The following LRMDA variants were observed in gnomAD, a reference collection of about 807,000 sequenced individuals.
LRMDA encodes the protein leucine-rich melanocyte differentiation-associated protein.
A neutral mutation model predicts 29.8 loss-of-function variants in LRMDA; 18 were observed. That is an observed-to-expected ratio of 0.60 (90% CI 0.42 to 0.90). The LOEUF is 0.90. Ranked by LOEUF, LRMDA falls within the 40% of genes least tolerant of loss-of-function variation. LRMDA has a pLI of 0.00. For missense variants in LRMDA, 273 were observed against 273.9 expected (o/e 1.00, Z 0.02); for synonymous variants, 125 against 109.4 (o/e 1.14, Z -0.89).
At chr10:75,634,955 C>G (rs1188932672) in intron 2 of LRMDA, among the ~76,000 whole-genome samples, 1 of 151,992 alleles carries the variant, frequency 6.6e-6, no homozygotes, top group Non-Finnish European at 1.5e-5. Flanking sequence ...TGAAAACAAC[C>G]ATATTCCCAA....
At chr10:75,513,300 TCA>T (rs573965254) in intron 2 of LRMDA, among the ~76,000 whole-genome samples, 118 of 152,336 alleles carry the variant, frequency 7.7e-4, no homozygotes, top group African/African-American at 2.7e-3. Context: ...TGTCTTCCTA[TCA>T]CGCTTTCTTG....
Position 75,776,612 on chromosome 10 carries a change from C to A in LRMDA, c.132-259396C>A, listed in dbSNP as rs373705583. On this transcript the variant is annotated intron_variant, in intron 2 of 6. Transcript: ENST00000611255. ...TTGTATCAGTTACCAGAGATTGGTT[C>A]CCCTAAGTAAATCAATTGGACACTA... Among the ~76,000 whole-genome samples the A allele has an allele frequency of 3.8e-4, 58 of 152,270 alleles. No individual in the cohort carries two copies. The East Asian group carries it at 9.3e-3, about 24-fold the overall frequency.
chr10:75,589,946 C>T (rs979352767), intron 2 of LRMDA, among the ~76,000 whole-genome samples: 1 of 150,558 alleles, frequency 6.6e-6, no homozygotes, highest in African/African-American at 2.4e-5. Flanking sequence ...TTTGGTTATT[C>T]ATTTTTAGTG....
At chr10:76,142,429 T>A (rs979075862) in intron 5 of LRMDA, among the ~76,000 whole-genome samples, 2 of 152,120 alleles carry the variant, frequency 1.3e-5, no homozygotes, top group Non-Finnish European at 2.9e-5. Flanking sequence ...TTAAAATATT[T>A]AACTACAAAT....
chr10:75,646,242 A>T (rs1009686094), intron 2 of LRMDA, among the ~76,000 whole-genome samples: 1 of 152,190 alleles, frequency 6.6e-6, no homozygotes. Context: ...GATGACTATC[A>T]TCATTTAAAG....
intron 2 of LRMDA, among the ~76,000 whole-genome samples, chr10:75,505,123 T>G (rs1327238968): frequency 6.6e-6 from 1 of 152,106 alleles, no homozygotes; most frequent in African/African-American, 2.4e-5. Context: ...AAGGGTTGTT[T>G]TAGTTATGAC....
chr10:76,543,963 G>T (rs574579430), intron 6 of LRMDA, among the ~76,000 whole-genome samples: 2 of 152,116 alleles, frequency 1.3e-5, no homozygotes, highest in Admixed American at 1.3e-4. Flanking sequence ...CCCTGTAGAC[G>T]GAATTCTCTG....
At chr10:75,960,509 G>C (rs1036050935) in intron 2 of LRMDA, among the ~76,000 whole-genome samples, 12 of 152,246 alleles carry the variant, frequency 7.9e-5, no homozygotes, top group Non-Finnish European at 1.5e-4. Context: ...AGAAAAGGGA[G>C]AAAACTTTAT....
chr10:76,194,341 C>A (rs78797247), intron 5 of LRMDA, among the ~76,000 whole-genome samples: 1,865 of 152,332 alleles, frequency 0.012, 41 homozygotes, highest in African/African-American at 0.042. Flanking sequence ...CCTAACACTT[C>A]TTTCCTGACA....
chr10:75,709,155 A>G (rs1225045865), intron 2 of LRMDA, among the ~76,000 whole-genome samples: 2 of 152,222 alleles, frequency 1.3e-5, no homozygotes, highest in African/African-American at 4.8e-5. Flanking sequence ...TCTATGTTAA[A>G]TGTTTTCAAA....
intron 6 of LRMDA, among the ~76,000 whole-genome samples, chr10:76,355,026 A>G (rs1841222537): frequency 6.6e-6 from 1 of 152,070 alleles, no homozygotes; most frequent in Non-Finnish European, 1.5e-5. Context: ...TGTCCTTCAA[A>G]TTCAACTCAA....
chr10:75,600,113 G>C (rs559456784), intron 2 of LRMDA, among the ~76,000 whole-genome samples: 2 of 152,334 alleles, frequency 1.3e-5, no homozygotes, highest in African/African-American at 2.4e-5. Context: ...AGGTCTGCCA[G>C]TGTCTTTTCT....
intron 5 of LRMDA, among the ~76,000 whole-genome samples, chr10:76,256,636 C>T (rs1453492930): frequency 6.6e-6 from 1 of 152,192 alleles, no homozygotes; most frequent in Non-Finnish European, 1.5e-5. Flanking sequence ...TAAAAATACT[C>T]ATCTCTGGAA....
chr10:75,489,311 G>C (rs1844955036), intron 2 of LRMDA, among the ~76,000 whole-genome samples: 1 of 151,640 alleles, frequency 6.6e-6, no homozygotes, highest in Non-Finnish European at 1.5e-5. Flanking sequence ...GGAAACTAAA[G>C]GGGGTAGCTG....
chr10:75,812,233 G>A (rs900229502), intron 2 of LRMDA, among the ~76,000 whole-genome samples: 5 of 147,468 alleles, frequency 3.4e-5, no homozygotes, highest in African/African-American at 7.5e-5. Flanking sequence ...ATTTTATGCC[G>A]ATGACAAGGG....
intron 6 of LRMDA, among the ~76,000 whole-genome samples, chr10:76,473,876 T>G (rs990768920): frequency 1.3e-5 from 2 of 151,596 alleles, no homozygotes; most frequent in Non-Finnish European, 1.5e-5. Context: ...ACATCCTATG[T>G]TCCTGGATGT....
chr10:76,197,997 T>C (rs918837041), intron 5 of LRMDA, among the ~76,000 whole-genome samples: 1 of 152,176 alleles, frequency 6.6e-6, no homozygotes, highest in Non-Finnish European at 1.5e-5. Context: ...CCTTGGGGCC[T>C]CCTGAAGTAG....
intron 5 of LRMDA, among the ~76,000 whole-genome samples, chr10:76,088,950 T>C (rs1233457383): frequency 6.6e-6 from 1 of 152,216 alleles, no homozygotes. Flanking sequence ...AGTTTGAGTA[T>C]GACAATTCTG....
At chr10:76,137,757 A>G (rs577683733) in intron 5 of LRMDA, among the ~76,000 whole-genome samples, 13 of 150,464 alleles carry the variant, frequency 8.6e-5, no homozygotes, top group African/African-American at 3.2e-4. Flanking sequence ...TTTTGAAAAA[A>G]CACAGTCCCT....
Sources: gnomAD v4.1 joint callset for allele counts (sites outside exome capture counted in the v4.1 genomes callset) on GRCh38, gnomAD v4.1.1 for gene constraint, MANE v1.5 for transcripts, NCBI Gene and HGNC (gene_info 2026-07-23, HGNC 2026-07-21) for gene names.